The following MGST2 variants were observed in gnomAD, a reference collection of about 807,000 sequenced individuals.
MGST2 encodes glutathione peroxidase MGST2.
Under a neutral mutation model 16.6 loss-of-function variants are expected in MGST2, and 9 were observed. That is an observed-to-expected ratio of 0.54 (90% CI 0.33 to 0.95). The LOEUF (loss-of-function observed/expected upper bound fraction) is 0.95. Among genes scored for constraint, MGST2 ranks in the 40% least tolerant of loss-of-function variants. MGST2 has a pLI of 0.03. For missense variants in MGST2, 159 were observed against 175.1 expected (o/e 0.91, Z 0.52); for synonymous variants, 79 against 68.0 (o/e 1.16, Z -0.79).
intron 1 of MGST2, among the ~76,000 whole-genome samples, chr4:139,672,004 A>G (rs1355107396): frequency 2.0e-5 from 3 of 152,106 alleles, no homozygotes; most frequent in Non-Finnish European, 2.9e-5. Context: ...ACCTGAGAGA[A>G]CAGAAGGGCT....
intron 2 of MGST2, among the ~76,000 whole-genome samples, chr4:139,687,035 A>G (rs975584674): frequency 1.1e-4 from 17 of 152,224 alleles, no homozygotes; most frequent in African/African-American, 4.1e-4. Context: ...TCCCAGGAAT[A>G]AAACTGAACA....
the MGST2 span, among the ~76,000 whole-genome samples, chr4:139,749,970 G>C: frequency 6.8e-6 from 1 of 147,334 alleles, no homozygotes; most frequent in Non-Finnish European, 1.5e-5. Context: ...GCAAGGAACA[G>C]CTATCATTTC....
chr4:139,719,901 G>C, intron 5 of MGST2: 1 of 1,614,046 alleles, frequency 6.2e-7, no homozygotes, highest in Non-Finnish European at 8.5e-7. Flanking sequence ...TGCAGCCTTG[G>C]AGGGGCTTGG....
intron 3 of MGST2, chr4:139,698,681 C>G: frequency 1.5e-6 from 1 of 673,312 alleles, no homozygotes; most frequent in Non-Finnish European, 2.6e-6. Context: ...ATAAAAGCTG[C>G]ATTTCAATAT....
chr4:139,674,782 T>TA (rs1424843105), intron 1 of MGST2, among the ~76,000 whole-genome samples: 10 of 152,046 alleles, frequency 6.6e-5, no homozygotes, highest in African/African-American at 2.2e-4. Context: ...CTCTGTCTCT[T>TA]AAAAAAACAA....
At chr4:139,729,182 G>T (rs941850093) in intron 5 of MGST2, among the ~76,000 whole-genome samples, 3 of 134,742 alleles carry the variant, frequency 2.2e-5, no homozygotes, top group Non-Finnish European at 4.8e-5. Flanking sequence ...AAAAAAAAGG[G>T]AACATAAGTG....
intron 5 of MGST2, chr4:139,717,973 C>T (rs572607994): frequency 6.6e-6 from 1 of 152,210 alleles, no homozygotes; most frequent in Non-Finnish European, 1.5e-5. Flanking sequence ...AACTACATCT[C>T]CTTTCTATCC....
chr4:139,674,934 T>C (rs1730886926), intron 1 of MGST2, among the ~76,000 whole-genome samples: 1 of 152,212 alleles, frequency 6.6e-6, no homozygotes, highest in African/African-American at 2.4e-5. Flanking sequence ...CCCGTGTGTG[T>C]GATTCTCTGC....
rs202229376 is a variant in MGST2 at position 139,719,414 on chromosome 4, G to C, written c.*48+15218G>C. 2.2e-5 allele frequency: 36 copies of C among 1,613,968 alleles called. No homozygotes were observed. The South Asian group carries it at 2.4e-4, about 11-fold the overall frequency. On this transcript the variant is annotated intron_variant, in intron 5 of 5. Transcript: ENST00000616265. ...GGAGTCCACAAGGTCTGCACCGTCC[G>C]GGAGGCCAGGGAAGGAACCCCCAGC...
intron 5 of MGST2, among the ~76,000 whole-genome samples, chr4:139,726,479 A>G (rs984821340): frequency 2.6e-5 from 4 of 152,004 alleles, no homozygotes; most frequent in African/African-American, 9.7e-5. Flanking sequence ...GTGCTGAGGG[A>G]AGGGGTTTTG....
intron 3 of MGST2, among the ~76,000 whole-genome samples, chr4:139,700,506 AG>A (rs1163973209): frequency 6.6e-6 from 1 of 152,120 alleles, no homozygotes; most frequent in African/African-American, 2.4e-5. Context: ...CCTTCATATG[AG>A]GGAGGGTCTA....
chr4:139,713,473 C>CAAAAA (rs1217817783), intron 5 of MGST2, among the ~76,000 whole-genome samples: 1 of 4,120 alleles, frequency 2.4e-4, no homozygotes. Flanking sequence ...AGTGGCAAGA[C>CAAAAA]AGAAAAAAAA....
chr4:139,733,229 A>G (rs1195705459), intron 5 of MGST2, among the ~76,000 whole-genome samples: 1 of 152,256 alleles, frequency 6.6e-6, no homozygotes, highest in East Asian at 1.9e-4. Flanking sequence ...CTGTCTCAGT[A>G]TATTTGATAC....
chr4:139,747,958 G>T, the MGST2 span, among the ~76,000 whole-genome samples: 1 of 150,974 alleles, frequency 6.6e-6, no homozygotes, highest in Non-Finnish European at 1.5e-5. Context: ...GGAGGCTGAG[G>T]CAGGAGAATT....
intron 5 of MGST2, among the ~76,000 whole-genome samples, chr4:139,716,139 A>G (rs1297853380): frequency 6.6e-6 from 1 of 152,056 alleles, no homozygotes; most frequent in African/African-American, 2.4e-5. Context: ...ATTATATCTG[A>G]GTTTGTTCAG....
chr4:139,706,711 A>C, downstream of MGST2, among the ~76,000 whole-genome samples: 1 of 152,150 alleles, frequency 6.6e-6, no homozygotes, highest in Non-Finnish European at 1.5e-5. Context: ...CTTTGGTTAA[A>C]CACGTGGAAA....
chr4:139,749,757 T>TA, the MGST2 span, among the ~76,000 whole-genome samples: 1 of 152,138 alleles, frequency 6.6e-6, no homozygotes, highest in Non-Finnish European at 1.5e-5. Flanking sequence ...AAACAGGAGC[T>TA]CTCACTACAT....
chr4:139,700,980 T>G (rs1283992567), intron 3 of MGST2, among the ~76,000 whole-genome samples: 1 of 152,208 alleles, frequency 6.6e-6, no homozygotes, highest in Non-Finnish European at 1.5e-5. Context: ...ACTGAGTAAT[T>G]TCAGGTACAA....
chr4:139,687,781 C>T (rs959985159), intron 2 of MGST2: 1 of 152,220 alleles, frequency 6.6e-6, no homozygotes, highest in African/African-American at 2.4e-5. Flanking sequence ...TGGAGTCCAG[C>T]CTTTCTGAGT....
Sources: allele counts gnomAD v4.1 joint callset (sites outside exome capture counted in the v4.1 genomes callset), GRCh38; gene constraint gnomAD v4.1.1; transcripts MANE v1.5; gene names NCBI Gene and HGNC (gene_info 2026-07-23, HGNC 2026-07-21).